The following TJP1 variants were observed in gnomAD, a reference collection of about 807,000 sequenced individuals.
TJP1 encodes tight junction protein 1.
Under a neutral mutation model 194.2 loss-of-function variants are expected in TJP1, and 43 were observed. The observed-to-expected ratio is 0.22, with a 90% CI of 0.17 to 0.29. The LOEUF (loss-of-function observed/expected upper bound fraction) is 0.29. TJP1 is among the 10% of genes least tolerant of loss of function. The pLI is 1.00. For missense variants in TJP1, 1,971 were observed against 2,185.7 expected (o/e 0.90, Z 1.96); for synonymous variants, 801 against 779.0 (o/e 1.03, Z -0.47).
intron 2 of TJP1, among the ~76,000 whole-genome samples, chr15:29,885,301 A>C (rs1393427017): frequency 6.6e-6 from 1 of 152,232 alleles, no homozygotes; most frequent in Non-Finnish European, 1.5e-5. Context: ...TACCAGGGTC[A>C]TGCAGCCACC....
chr15:29,957,983 G>C (rs1208800779), intron 1 of TJP1, among the ~76,000 whole-genome samples: 8 of 152,112 alleles, frequency 5.3e-5, no homozygotes, highest in African/African-American at 1.9e-4. Flanking sequence ...CTGTTGAACT[G>C]CTGATTCTGT....
chr15:29,956,322 A>C (rs1363610215), exon 2 of TJP1: 1 of 1,289,118 alleles, frequency 7.8e-7, no homozygotes, highest in Non-Finnish European at 1.0e-6. Flanking sequence ...CTTGGCTGAC[A>C]CTAGAAGTAG....
chr15:29,721,632 G>C (rs892890973), intron 18 of TJP1, among the ~76,000 whole-genome samples: 12 of 152,178 alleles, frequency 7.9e-5, no homozygotes, highest in Non-Finnish European at 1.5e-4. Context: ...TGTGGAAGCA[G>C]CTTTGGAACT....
At chr15:29,844,804 G>A (rs1181087561) in intron 2 of TJP1, among the ~76,000 whole-genome samples, 3 of 152,164 alleles carry the variant, frequency 2.0e-5, no homozygotes, top group Non-Finnish European at 4.4e-5. Flanking sequence ...TATTCAGGTT[G>A]GAGGTACAAA....
At chr15:29,729,230 G>A (rs1442436346) in intron 15 of TJP1, 3 of 152,308 alleles carry the variant, frequency 2.0e-5, no homozygotes, top group African/African-American at 7.2e-5. Context: ...AACCCAGGAG[G>A]CGGAGGTTGC....
chr15:29,767,390 C>G (rs1346133899), intron 4 of TJP1, among the ~76,000 whole-genome samples: 1 of 152,180 alleles, frequency 6.6e-6, no homozygotes, highest in East Asian at 1.9e-4. Context: ...GCTACTGAAA[C>G]TTTTCACTAT....
At position 29,718,727 on chromosome 15, in the gene TJP1, A is replaced by G. The variant is rs141258029; in HGVS notation, c.3415T>C (p.Ser1139Pro). The G allele has an allele frequency of 1.2e-6, 2 of 1,614,082 alleles. No homozygotes were observed. Among genetic ancestry groups the G allele is most frequent in the African/African-American group, 2.7e-5 (2 of 74,998 alleles). ...TCGTAACGTGGTCTGCTGTCGTAAG[A>G]CAGAGGGGCTGGCTCTTCAAAACGT... Reference protein sequence around the residue: ...FPRFEEPAPLSYDSRPRYEQA... With the variant: ...FPRFEEPAPLPYDSRPRYEQA... Residue 1139 changes from serine (S) to proline (P), a missense_variant, in exon 21 of 28, where the codon TCT becomes CCT. By Grantham distance (74) the Ser-to-Pro change is moderately conservative (BLOSUM62 -1). This residue lies in a region of TJP1 where 1,108 missense variants were observed against 1,128.5 expected (regional missense o/e 0.98). Coordinates refer to ENST00000614355, the MANE Select transcript of TJP1 (RefSeq NM_001330239.4).
intron 10 of TJP1, 197 bp downstream of exon 10, chr15:29,741,134 A>G (rs995510855): frequency 6.7e-6 from 3 of 450,384 alleles, no homozygotes; most frequent in African/African-American, 2.1e-5. Flanking sequence ...GAAAGCATCC[A>G]AAAAGTTCCT....
At position 29,842,015 on chromosome 15, in the gene TJP1, G is replaced by A. The variant is rs1012215630; in HGVS notation, c.307-41313C>T. 4.6e-4 allele frequency among the ~76,000 whole-genome samples: 70 copies of A among 152,282 alleles called. 1 individual carries two copies. The highest frequency in any genetic ancestry group is 1.5e-3 in the African/African-American group (62 of 41,556). ...TTTTGATCTGCTGGTAAACGCTGAC[G>A]GGGATACCCACTTAGGCTATTTTAT... On this transcript the variant is annotated intron_variant, in intron 2 of 28. Coordinates refer to the TJP1 transcript ENST00000356107.
At chr15:29,916,827 TAACTA>T (rs564939116) in intron 2 of TJP1, among the ~76,000 whole-genome samples, 4 of 152,312 alleles carry the variant, frequency 2.6e-5, no homozygotes, top group African/African-American at 9.6e-5. Context: ...TATACAGTAT[TAACTA>T]AACAATTAGG....
At chr15:29,889,782 G>C (rs1484904924) in intron 2 of TJP1, among the ~76,000 whole-genome samples, 3 of 152,178 alleles carry the variant, frequency 2.0e-5, no homozygotes, top group East Asian at 1.9e-4. Context: ...CTCCAGAAGA[G>C]ACCCAGTGCT....
intron 2 of TJP1, among the ~76,000 whole-genome samples, chr15:29,940,401 T>C (rs1442306580): frequency 6.6e-6 from 1 of 152,134 alleles, no homozygotes; most frequent in Non-Finnish European, 1.5e-5. Context: ...AAAAAGAACA[T>C]GTGTAGAGAT....
At chr15:29,830,683 A>T (rs543281886) in intron 2 of TJP1, among the ~76,000 whole-genome samples, 7 of 151,408 alleles carry the variant, frequency 4.6e-5, no homozygotes, top group Admixed American at 4.6e-4. Context: ...CTCAGCATTA[A>T]TTTTTTTTTA....
At chr15:29,719,294 G>C (rs2042785591) in intron 20 of TJP1, among the ~76,000 whole-genome samples, 156 bp from the exon 21 acceptor site, 1 of 152,140 alleles carries the variant, frequency 6.6e-6, no homozygotes, top group Admixed American at 6.5e-5. Flanking sequence ...GAAAAAGCTG[G>C]TTTAAGTGAA....
At chr15:29,756,890 A>C (rs557256080) in intron 8 of TJP1, among the ~76,000 whole-genome samples, 5 of 152,240 alleles carry the variant, frequency 3.3e-5, no homozygotes, top group African/African-American at 1.2e-4. Flanking sequence ...AGAATGAGGA[A>C]ATCTCAGAAA....
At position 29,720,519 on chromosome 15, in the gene TJP1, T is replaced by A; in HGVS notation, c.2602A>T (p.Thr868Ser). 1 of 1,613,842 alleles carries A rather than the reference T, an allele frequency of 6.2e-7. No individual in the cohort carries two copies. Among genetic ancestry groups the A allele is most frequent in the Non-Finnish European group, 8.5e-7 (1 of 1,179,982 alleles). ...LDETLNDEVG[T>S]PPESAITRSS... is the part of the protein sequence containing the mutation. ...CGTGTAATGGCAGACTCCGGTGGAGTCCCAACCTCATCATTAAGAGTTTCA... is the reference window on the plus strand; with the variant it reads ...CGTGTAATGGCAGACTCCGGTGGAGACCCAACCTCATCATTAAGAGTTTCA... The change falls in exon 19 of 28, where the codon ACT becomes TCT. Residue 868 changes from threonine (T) to serine (S), a missense_variant. By Grantham distance (58) the Thr-to-Ser change is moderately conservative (BLOSUM62 1). This residue lies in a region of TJP1 where 1,108 missense variants were observed against 1,128.5 expected (regional missense o/e 0.98). Transcript: ENST00000614355.
intron 10 of TJP1, 109 bp from the exon 11 acceptor site, chr15:29,737,523 A>G (rs2044115112): frequency 1.6e-6 from 2 of 1,225,146 alleles, no homozygotes; most frequent in Admixed American, 5.0e-5. Flanking sequence ...CATCATTTCT[A>G]AAACTTCTCT....
chr15:29,844,749 T>C (rs1180338553), intron 2 of TJP1, among the ~76,000 whole-genome samples: 2 of 152,180 alleles, frequency 1.3e-5, no homozygotes, highest in South Asian at 4.2e-4. Context: ...CACCTAGAAA[T>C]GTTGAGTAGG....
intron 2 of TJP1, among the ~76,000 whole-genome samples, chr15:29,854,176 C>T (rs879741511): frequency 4.6e-5 from 7 of 151,964 alleles, no homozygotes; most frequent in Admixed American, 4.6e-4. Flanking sequence ...TATAAAAATA[C>T]CAAAAAACAT....
Sources: gnomAD v4.1 joint callset for allele counts (sites outside exome capture counted in the v4.1 genomes callset) on GRCh38, gnomAD v4.1.1 for gene constraint, gnomAD v4.1.1 regional missense constraint, MANE v1.5 for transcripts, NCBI Gene and HGNC (gene_info 2026-07-23, HGNC 2026-07-21) for gene names.